Variants in NKAIN1 observed in about 807,000 individuals in gnomAD.
NKAIN1 encodes sodium/potassium transporting ATPase interacting 1, also known as sodium/potassium-transporting ATPase subunit beta-1-interacting protein 1.
NKAIN1 carries 13 observed loss-of-function variants against 31.6 expected under a neutral mutation model. The observed-to-expected ratio is 0.41, with a 90% confidence interval of 0.27 to 0.65. The LOEUF (loss-of-function observed/expected upper bound fraction) is 0.65. Among genes scored for constraint, NKAIN1 ranks in the 30% least tolerant of loss-of-function variants. The probability of loss-of-function intolerance (pLI) is 0.30; values close to 1 mark genes in which losing one functional copy is unlikely to be tolerated. For missense variants in NKAIN1, 193 were observed against 262.2 expected, an observed-to-expected ratio of 0.74 and a Z score of 1.82; for synonymous variants, 104 against 109.0, an observed-to-expected ratio of 0.95 and a Z score of 0.28.
chr1:31,238,886 G>T (rs569275586), intron 1 of NKAIN1, among the ~76,000 whole-genome samples: 1 of 152,214 alleles, frequency 6.6e-6, no homozygotes, highest in Admixed American at 6.5e-5. Flanking sequence ...GGTCAGGAAG[G>T]TGAAGGGAGG....
rs779768641 is a variant in NKAIN1 at position 31,183,823 on chromosome 1, G to C, written c.465C>G (p.Phe155Leu). 4 of 1,612,222 alleles carry C rather than the reference G, an allele frequency of 2.5e-6. No individual in the cohort carries two copies. The South Asian group carries it at 4.4e-5, about 18-fold the overall frequency. The change falls in exon 4 of 7, where the codon TTC becomes TTG. Residue 155 changes from phenylalanine (F) to leucine (L), a missense_variant. Transcript: ENST00000373736. ...IEALSSALQI[F>L]LALFGFVFAC... ...GGGGGACAGAAGGACTTACTGCCAG[G>C]AAGATCTGCAGGGCGCTGCTGAGGG...
At position 31,180,353 on chromosome 1, in the gene NKAIN1, G is replaced by T. The variant is rs77055766; in HGVS notation, c.*1350C>A. On this transcript the variant is annotated 3_prime_UTR_variant, in exon 7 of 7. Coordinates refer to ENST00000373736, the MANE Select transcript of NKAIN1 (RefSeq NM_024522.3). ...CACCAGGCAGTGCGTGGGATGCAGCGTCCTCAGGAGTGTCTGTGGAGGGAG... is the reference window on the plus strand; with the variant it reads ...CACCAGGCAGTGCGTGGGATGCAGCTTCCTCAGGAGTGTCTGTGGAGGGAG... The T allele has an allele frequency of 6.6e-6, 1 of 152,212 alleles. No individual in the cohort carries two copies. 9.4% of individuals were successfully genotyped at this position (152,212 alleles called of 1,614,324 possible).
intron 1 of NKAIN1, among the ~76,000 whole-genome samples, chr1:31,237,173 C>A (rs1007011): frequency 0.55 from 84,189 of 151,994 alleles, 24,030 homozygotes; most frequent in Non-Finnish European, 0.63. Context: ...ATTGTTTGAG[C>A]CTGGGAGGTC....
rs1397401772 is a variant in NKAIN1 at position 31,183,990 on chromosome 1, T to A, written c.298A>T (p.Asn100Tyr). Residue 100 changes from asparagine to tyrosine, a missense_variant, in exon 4 of 7, where the codon AAC becomes TAC. Transcript: ENST00000373736. ...CACCAGGAGCGGTGCAGGGATGTGTTGAAGGTCATGATGAAGTCCCGGTCC... is the reference window on the plus strand; with the variant it reads ...CACCAGGAGCGGTGCAGGGATGTGTAGAAGGTCATGATGAAGTCCCGGTCC... ...SQDRDFIMTFNTSLHRSWWME... is the reference protein window; with the variant it reads ...SQDRDFIMTFYTSLHRSWWME... 4 of 1,613,682 alleles carry A rather than the reference T, an allele frequency of 2.5e-6. No homozygotes were observed. In the East Asian group the frequency reaches 6.7e-5, roughly 27 times the overall value.
At chr1:31,183,269 T>C (rs1645216247) in intron 4 of NKAIN1, among the ~76,000 whole-genome samples, 1 of 151,986 alleles carries the variant, frequency 6.6e-6, no homozygotes, top group Non-Finnish European at 1.5e-5. Context: ...AGTGGGTGTA[T>C]TGAGCACTTA....
intron 1 of NKAIN1, among the ~76,000 whole-genome samples, chr1:31,215,913 C>T (rs1457088060): frequency 6.6e-6 from 1 of 152,072 alleles, no homozygotes; most frequent in East Asian, 1.9e-4. Context: ...TTTTGTGCCC[C>T]ATGTCATTCA....
intron 1 of NKAIN1, among the ~76,000 whole-genome samples, chr1:31,235,274 T>C (rs1017636013): frequency 1.1e-4 from 16 of 151,416 alleles, no homozygotes; most frequent in African/African-American, 3.6e-4. Flanking sequence ...GAGCTGGGTT[T>C]GGAAAGGAGA....
rs141322561 is a variant in NKAIN1, at chr1:31,185,363, G to A, written c.193-36C>T. ...CAGAGGTGGGATCAGGGTGGGGCCTGGGGAGTGGGGGATGGGGAGTGTCAA... is the reference window on the plus strand; with the variant it reads ...CAGAGGTGGGATCAGGGTGGGGCCTAGGGAGTGGGGGATGGGGAGTGTCAA... On this transcript the variant is annotated intron_variant, in intron 2 of 6. Transcript: ENST00000373736. The A allele has an allele frequency of 6.8e-5, 105 of 1,532,888 alleles. No individual in the cohort carries two copies. In the African/African-American group the frequency reaches 7.5e-4, roughly 11 times the overall value. 95.0% of individuals were successfully genotyped at this position (1,532,888 alleles called of 1,614,324 possible). A position where few individuals can be genotyped will look rare whatever the true frequency, so the allele number is the denominator to read the frequency against.
intron 4 of NKAIN1, 76 bp from the exon 5 acceptor site, chr1:31,182,666 C>CGCTCT (rs1557648035): frequency 2.0e-6 from 3 of 1,531,962 alleles, no homozygotes. Context: ...GGGCCCTGTA[C>CGCTCT]GCTCTGACTG....
rs75039490 is a variant in NKAIN1 at position 31,213,538 on chromosome 1, A to G, written c.55-25351T>C. ...GCTAGTTCTTCCAACAGCTGGACAC[A>G]GAGATATCATGCGGCCCTGCATTTC... On this transcript the variant is annotated intron_variant, in intron 1 of 6. Transcript: ENST00000373736. 3.9e-3 allele frequency among the ~76,000 whole-genome samples: 593 copies of G among 152,370 alleles called. 3 individuals carry two copies. The highest frequency in any genetic ancestry group is 0.013 in the African/African-American group (552 of 41,606).
chr1:31,217,586 G>A (rs1645523101), intron 1 of NKAIN1, among the ~76,000 whole-genome samples: 1 of 152,228 alleles, frequency 6.6e-6, no homozygotes, highest in Admixed American at 6.5e-5. Flanking sequence ...GCAGACTCTT[G>A]CCCATAATTG....
chr1:31,218,016 T>TTTTCTTTCTTCCTTTC (rs1645526583), intron 1 of NKAIN1, among the ~76,000 whole-genome samples: 1 of 108,212 alleles, frequency 9.2e-6, no homozygotes, highest in South Asian at 3.3e-4. Context: ...GCAGCTACCA[T>TTTTCTTTCTTCCTTTC]TTTCTTTCTT....
At chr1:31,229,657 G>A (rs922241526) in intron 1 of NKAIN1, among the ~76,000 whole-genome samples, 1 of 152,056 alleles carries the variant, frequency 6.6e-6, no homozygotes. Context: ...GAAAGATGAG[G>A]TCACCAGAGT....
At chr1:31,207,923 G>C (rs540364395) in intron 1 of NKAIN1, among the ~76,000 whole-genome samples, 7 of 152,226 alleles carry the variant, frequency 4.6e-5, no homozygotes, top group Admixed American at 1.3e-4. Context: ...AGGTTACACA[G>C]TCAGGAAGCG....
intron 1 of NKAIN1, among the ~76,000 whole-genome samples, chr1:31,232,066 AC>A (rs1645653954): frequency 6.7e-6 from 1 of 149,364 alleles, no homozygotes; most frequent in African/African-American, 2.5e-5. Context: ...GGTGCATGCT[AC>A]CATGCCCAGC....
In NKAIN1 at chr1:31,182,605, G is replaced by A. The variant is rs1645212079; in HGVS notation, c.472-15C>T. Reference sequence around the variant, plus strand: ...AAGCCGAACAGCTGGGAGTGGAGATGACACGTCAGGGAGGAAGGAGGAGTG... The same window carrying A: ...AAGCCGAACAGCTGGGAGTGGAGATAACACGTCAGGGAGGAAGGAGGAGTG... On this transcript the variant is annotated splice_polypyrimidine_tract_variant and intron_variant, in intron 4 of 6. Coordinates refer to ENST00000373736, the MANE Select transcript of NKAIN1 (RefSeq NM_024522.3). 1.9e-6 allele frequency: 3 copies of A among 1,614,002 alleles called. No homozygotes were observed. The highest frequency in any genetic ancestry group is 2.5e-6 in the Non-Finnish European group (3 of 1,179,884).
At chr1:31,213,601 G>C (rs1645487269) in intron 1 of NKAIN1, among the ~76,000 whole-genome samples, 2 of 152,166 alleles carry the variant, frequency 1.3e-5, no homozygotes, top group Non-Finnish European at 2.9e-5. Flanking sequence ...TGAAAACAAA[G>C]TTAGCACAAA....
intron 1 of NKAIN1, among the ~76,000 whole-genome samples, chr1:31,209,332 G>T (rs570695293): frequency 1.3e-5 from 2 of 151,762 alleles, no homozygotes; most frequent in African/African-American, 4.8e-5. Flanking sequence ...CCGAGATTGC[G>T]CCACTGCACT....
Position 31,188,110 on chromosome 1 carries a change from G to C in NKAIN1, c.132C>G (p.Ile44Met), listed in dbSNP as rs374737914. The change falls in exon 2 of 7, where the codon ATC becomes ATG. Residue 44 changes from isoleucine (I) to methionine (M), a missense_variant. Coordinates refer to ENST00000373736, the MANE Select transcript of NKAIN1 (RefSeq NM_024522.3). ...CAAAGATGCCCAGGATGACTGCCAT[G>C]ATGTGCAGGAAGTTGGCTAGGATGG... ...WAPILANFLH[I>M]MAVILGIFGT... 6.4e-5 allele frequency: 99 copies of C among 1,553,024 alleles called. No individual in the cohort carries two copies. The highest frequency in any genetic ancestry group is 7.8e-5 in the Admixed American group (4 of 51,110).
Sources: gnomAD v4.1 joint callset for allele counts (sites outside exome capture counted in the v4.1 genomes callset) on GRCh38, gnomAD v4.1.1 for gene constraint, MANE v1.5 for transcripts, NCBI Gene and HGNC (gene_info 2026-07-23, HGNC 2026-07-21) for gene names.